The following ABCC4 variants were observed in gnomAD, a reference collection of about 807,000 sequenced individuals.
ABCC4 encodes ATP-binding cassette sub-family C member 4.
A neutral mutation model predicts 168.5 loss-of-function variants in ABCC4; 102 were observed. The ratio of observed to expected loss-of-function variants is 0.61; its 90% confidence interval spans 0.52 to 0.71. ABCC4 has a LOEUF of 0.71. Ranked by LOEUF, ABCC4 falls within the 30% of genes least tolerant of loss-of-function variation. ABCC4 has a pLI of 0.00. For missense variants in ABCC4, 1,402 were observed against 1,605.8 expected, an observed-to-expected ratio of 0.87 and a Z score of 2.17; for synonymous variants, 617 against 590.7, an observed-to-expected ratio of 1.04 and a Z score of -0.65.
intron 19 of ABCC4, among the ~76,000 whole-genome samples, chr13:95,154,778 C>T (rs1250562831): frequency 2.0e-5 from 3 of 152,178 alleles, no homozygotes; most frequent in African/African-American, 7.2e-5. Context: ...TACCCCCTAG[C>T]TTATAGAGCT....
At chr13:95,062,654 C>A in intron 26 of ABCC4, 50 bp downstream of exon 26, 2 of 1,496,632 alleles carry the variant, frequency 1.3e-6, no homozygotes, top group South Asian at 2.6e-5. Flanking sequence ...AGCAATTAAA[C>A]ATAGTAGCTC....
chr13:95,234,009 C>T (rs926021137), intron 4 of ABCC4, among the ~76,000 whole-genome samples: 6 of 152,144 alleles, frequency 3.9e-5, no homozygotes, highest in Non-Finnish European at 4.4e-5. Flanking sequence ...CTGTATCCGA[C>T]GTGGATTCCA....
chr13:95,103,512 C>T lies in ABCC4; in HGVS notation c.2535+12410G>A, dbSNP rs138401134. On this transcript the variant is annotated intron_variant, in intron 20 of 30. Coordinates refer to ENST00000645237, the MANE Select transcript of ABCC4 (RefSeq NM_005845.5). Reference sequence around the variant, plus strand: ...AACAGTTGATCTAGTAAAGCATTCACGGAGGTGTGCAAACCTAACTGGCCT... The same window carrying T: ...AACAGTTGATCTAGTAAAGCATTCATGGAGGTGTGCAAACCTAACTGGCCT... Among the ~76,000 whole-genome samples, 6 of 152,260 alleles carry T rather than the reference C, an allele frequency of 3.9e-5. No individual in the cohort carries two copies. In the East Asian group the frequency reaches 7.7e-4, roughly 20 times the overall value.
intron 1 of ABCC4, among the ~76,000 whole-genome samples, chr13:95,271,756 G>T (rs773603786): frequency 6.6e-6 from 1 of 152,062 alleles, no homozygotes; most frequent in Non-Finnish European, 1.5e-5. Context: ...AACAGAGCAC[G>T]CAGCGTGACA....
At chr13:95,119,882 A>G (rs1014792865) in intron 19 of ABCC4, among the ~76,000 whole-genome samples, 1 of 152,226 alleles carries the variant, frequency 6.6e-6, no homozygotes, top group Non-Finnish European at 1.5e-5. Context: ...ATTACCAAAA[A>G]TAAGTTTCAA....
At chr13:95,093,496 T>G (rs1488076561) in intron 20 of ABCC4, among the ~76,000 whole-genome samples, 1 of 152,144 alleles carries the variant, frequency 6.6e-6, no homozygotes, top group East Asian at 1.9e-4. Context: ...CCAGCATCCC[T>G]TTAAGATTAA....
chr13:95,039,555 C>T (rs904983673), intron 29 of ABCC4, among the ~76,000 whole-genome samples: 6 of 152,140 alleles, frequency 3.9e-5, no homozygotes, highest in Admixed American at 2.0e-4. Flanking sequence ...ATGTTGGTCC[C>T]GTGGCCCCAG....
intron 4 of ABCC4, among the ~76,000 whole-genome samples, chr13:95,225,762 A>G (rs150518023): frequency 0.013 from 1,460 of 115,340 alleles, 13 homozygotes; most frequent in South Asian, 0.03. Context: ...GCTAACAAAT[A>G]TAAAAATATA....
chr13:95,269,446 T>A lies in ABCC4; in HGVS notation c.75-21693A>T, dbSNP rs764700133. ...ATCTCAAAAAAAAAATATATATATA[T>A]ATATATATATATACACACAACATTG... On this transcript the variant is annotated intron_variant, in intron 1 of 30. Transcript: ENST00000645237. The A allele has an allele frequency of 1.2e-3, 242 of 204,528 alleles. 5 individuals carry two copies. Among genetic ancestry groups the A allele is most frequent in the African/African-American group, 3.6e-3 (153 of 42,706 alleles). 12.7% of individuals were successfully genotyped at this position (204,528 alleles called of 1,614,324 possible).
chr13:95,187,813 C>G (rs558872152), intron 10 of ABCC4, among the ~76,000 whole-genome samples: 71 of 152,218 alleles, frequency 4.7e-4, no homozygotes, highest in African/African-American at 1.6e-3. Flanking sequence ...TAAGTCTGTA[C>G]GCACGTTTCC....
chr13:95,194,017 A>T (rs573741261), intron 9 of ABCC4, among the ~76,000 whole-genome samples: 110 of 152,324 alleles, frequency 7.2e-4, no homozygotes, highest in African/African-American at 2.5e-3. Flanking sequence ...TCTCTTCATG[A>T]AAAGCTGGTG....
chr13:95,126,623 C>G (rs998627663), intron 19 of ABCC4, among the ~76,000 whole-genome samples: 10 of 150,276 alleles, frequency 6.7e-5, no homozygotes, highest in Non-Finnish European at 1.5e-5. Context: ...CAGTTCCATC[C>G]CCGGCGCATC....
chr13:95,271,909 C>G (rs925995156), intron 1 of ABCC4, among the ~76,000 whole-genome samples: 2 of 152,172 alleles, frequency 1.3e-5, no homozygotes, highest in African/African-American at 4.8e-5. Flanking sequence ...CTCTCCCCAC[C>G]AACTTTAAGA....
chr13:95,211,405 G>T (rs3782966), intron 4 of ABCC4, among the ~76,000 whole-genome samples: 115,142 of 152,008 alleles, frequency 0.76, 44,210 homozygotes, highest in Non-Finnish European at 0.84. Context: ...GGGACAGTTC[G>T]AACTGAGGGA....
chr13:95,290,705 CAAAAAAAAAAAA>C (rs55933951), intron 1 of ABCC4, among the ~76,000 whole-genome samples: 17 of 56,044 alleles, frequency 3.0e-4, no homozygotes, highest in African/African-American at 6.9e-4. Context: ...AACTCTGTCT[CAAAAAAAAAAAA>C]AAAAAAAAAA....
intron 19 of ABCC4, among the ~76,000 whole-genome samples, chr13:95,138,618 G>T (rs1483250079): frequency 6.6e-6 from 1 of 152,102 alleles, no homozygotes; most frequent in East Asian, 1.9e-4. Context: ...GAGGCCAGGA[G>T]TTCAAGACCA....
At chr13:95,245,852 C>G (rs1420199033) in intron 3 of ABCC4, among the ~76,000 whole-genome samples, 1 of 144,222 alleles carries the variant, frequency 6.9e-6, no homozygotes, top group African/African-American at 2.5e-5. Flanking sequence ...CAGGAGCAAA[C>G]CCCCCCACAT....
At chr13:95,256,553 T>C (rs1485480472) in intron 1 of ABCC4, among the ~76,000 whole-genome samples, 1 of 152,134 alleles carries the variant, frequency 6.6e-6, no homozygotes, top group Admixed American at 6.5e-5. Context: ...CCCAGTAGTT[T>C]GACACCAGCC....
At chr13:95,253,751 AC>A (rs1279183633) in intron 1 of ABCC4, among the ~76,000 whole-genome samples, 7 of 152,080 alleles carry the variant, frequency 4.6e-5, no homozygotes, top group Admixed American at 2.0e-4. Context: ...CAAAAAAAAA[AC>A]AACACAGAAA....
Sources: gnomAD v4.1 joint callset for allele counts (sites outside exome capture counted in the v4.1 genomes callset) on GRCh38, gnomAD v4.1.1 for gene constraint, MANE v1.5 for transcripts, NCBI Gene and HGNC (gene_info 2026-07-23, HGNC 2026-07-21) for gene names.